The following TXNL1 variants were observed in gnomAD, a reference collection of about 807,000 sequenced individuals.
TXNL1 encodes the protein thioredoxin-like protein 1.
TXNL1 carries 14 observed loss-of-function variants against 35.5 expected under a neutral mutation model. The observed-to-expected ratio is 0.39, with a 90% CI of 0.26 to 0.62. The LOEUF is 0.62. TXNL1 is among the 20% of genes least tolerant of loss of function. The pLI, the probability that TXNL1 is intolerant of heterozygous loss-of-function variation, is 0.47. For synonymous variants in TXNL1, 110 were observed against 115.5 expected, an observed-to-expected ratio of 0.95 and a Z score of 0.31; for missense variants, 263 against 349.7, an observed-to-expected ratio of 0.75 and a Z score of 1.98.
intron 2 of TXNL1, among the ~76,000 whole-genome samples, chr18:56,624,690 C>A (rs2024246756): frequency 6.6e-6 from 1 of 152,146 alleles, no homozygotes; most frequent in Admixed American, 6.5e-5. Flanking sequence ...ATGTTTTTAT[C>A]ATTTTTACTG....
intron 2 of TXNL1, among the ~76,000 whole-genome samples, chr18:56,625,944 T>C (rs539788057): frequency 1.3e-5 from 2 of 152,334 alleles, no homozygotes; most frequent in South Asian, 4.1e-4. Flanking sequence ...CATTTTAAAG[T>C]TTCTGCTCAG....
In TXNL1 at chr18:56,599,905, G is replaced by A. The variant is rs2023790349; in HGVS notation, c.*3122C>T. 1 of 152,016 alleles carries A rather than the reference G, an allele frequency of 6.6e-6. No homozygotes were observed. Among genetic ancestry groups the A allele is most frequent in the African/African-American group, 2.4e-5 (1 of 41,388 alleles). 9.4% of individuals were successfully genotyped at this position (152,016 alleles called of 1,614,324 possible). A position where few individuals can be genotyped will look rare whatever the true frequency, so the allele number is the denominator to read the frequency against. Reference sequence around the variant, plus strand: ...TTATCTTAAAAAAAAAATAGTCTAAGATTACAAATTATCAGTTCCAGAAGA... The same window carrying A: ...TTATCTTAAAAAAAAAATAGTCTAAAATTACAAATTATCAGTTCCAGAAGA... On this transcript the variant is annotated 3_prime_UTR_variant, in exon 8 of 8. Transcript: ENST00000217515.
chr18:56,631,624 A>C (rs2024372184), intron 1 of TXNL1, among the ~76,000 whole-genome samples: 2 of 152,192 alleles, frequency 1.3e-5, no homozygotes, highest in South Asian at 2.1e-4. Context: ...ACAATGTATA[A>C]AGAAATAAAC....
chr18:56,625,084 A>AC (rs2024254287), intron 2 of TXNL1, among the ~76,000 whole-genome samples: 1 of 152,188 alleles, frequency 6.6e-6, no homozygotes, highest in South Asian at 2.1e-4. Context: ...TAAGCTTTTC[A>AC]TGACAAGTAT....
At chr18:56,612,473 T>C (rs1442921797) in intron 6 of TXNL1, among the ~76,000 whole-genome samples, 1 of 152,182 alleles carries the variant, frequency 6.6e-6, no homozygotes, top group African/African-American at 2.4e-5. Flanking sequence ...TTGTCATACA[T>C]TGGATTTTTG....
At position 56,638,582 on chromosome 18, in the gene TXNL1, G is replaced by C; in HGVS notation, c.-142C>G. ...GTGGCGACCGCCGAGTCTTCTCCCG[G>C]GACTCTCAGTGCCGAGTCACGCCAG... On this transcript the variant is annotated 5_prime_UTR_variant, in exon 1 of 8. Transcript: ENST00000217515. 1.2e-6 allele frequency: 1 copy of C among 802,932 alleles called. No homozygotes were observed. Among genetic ancestry groups the C allele is most frequent in the Non-Finnish European group, 1.9e-6 (1 of 537,002 alleles). The allele number at this position is 802,932 out of a possible 1,614,324, so 49.7% of individuals were successfully genotyped here. A position where few individuals can be genotyped will look rare whatever the true frequency, so the allele number is the denominator to read the frequency against.
intron 1 of TXNL1, among the ~76,000 whole-genome samples, chr18:56,633,341 G>A (rs2024404198): frequency 6.6e-6 from 1 of 151,672 alleles, no homozygotes; most frequent in African/African-American, 2.4e-5. Flanking sequence ...CAGCTACTCG[G>A]GAGGCTGAGG....
In TXNL1 at chr18:56,598,336, G is replaced by A. The variant is rs1023046876; in HGVS notation, c.*4691C>T. ...ATTACAAGTAGCTTGATAAGTATCCGGATGAAATAATGGCAAGGTGTCATA... is the reference window on the plus strand; with the variant it reads ...ATTACAAGTAGCTTGATAAGTATCCAGATGAAATAATGGCAAGGTGTCATA... On this transcript the variant is annotated 3_prime_UTR_variant, in exon 8 of 8. Transcript: ENST00000217515. 3.9e-5 allele frequency: 6 copies of A among 152,044 alleles called. No homozygotes were observed. The highest frequency in any genetic ancestry group is 3.9e-4 in the Admixed American group (6 of 15,258). The allele number at this position is 152,044 out of a possible 1,614,324, so 9.4% of individuals were successfully genotyped here.
intron 1 of TXNL1, 77 bp from the exon 2 acceptor site, chr18:56,626,534 A>AGAACAAACACTGATACTGCTGG (rs2024282444): frequency 7.8e-7 from 1 of 1,275,778 alleles, no homozygotes; most frequent in Non-Finnish European, 1.1e-6. Flanking sequence ...AACATAAAAT[A>AGAACAAACACTGATACTGCTGG]GAACAAACAC....
At chr18:56,617,872 A>G (rs866369617) in intron 4 of TXNL1, 132 bp downstream of exon 4, 7 of 1,228,344 alleles carry the variant, frequency 5.7e-6, no homozygotes, top group Middle Eastern at 2.0e-4. Context: ...CAAAGAAACT[A>G]AAAGCTATAG....
chr18:56,625,574 A>T (rs2024263743), intron 2 of TXNL1, among the ~76,000 whole-genome samples: 1 of 152,212 alleles, frequency 6.6e-6, no homozygotes. Context: ...TTCTAGAAAT[A>T]GTGATTAAAT....
chr18:56,637,697 T>C (rs1323736827), intron 1 of TXNL1, among the ~76,000 whole-genome samples: 1 of 152,230 alleles, frequency 6.6e-6, no homozygotes, highest in African/African-American at 2.4e-5. Flanking sequence ...ATTATATATG[T>C]ACTGTCGTGT....
At chr18:56,637,591 A>C (rs2024476885) in intron 1 of TXNL1, among the ~76,000 whole-genome samples, 1 of 152,154 alleles carries the variant, frequency 6.6e-6, no homozygotes, top group Admixed American at 6.5e-5. Context: ...ATATTTACCA[A>C]AGACAGTTAA....
chr18:56,616,913 C>G (rs181295198), intron 4 of TXNL1, among the ~76,000 whole-genome samples: 3 of 152,314 alleles, frequency 2.0e-5, no homozygotes, highest in Admixed American at 6.5e-5. Flanking sequence ...CTCTCCGAAA[C>G]TCTTCTGGAT....
At chr18:56,613,619 GCCTGGGCCACACAGGGAGAGACTTCA>G in intron 6 of TXNL1, among the ~76,000 whole-genome samples, 1 of 151,996 alleles carries the variant, frequency 6.6e-6, no homozygotes, top group Non-Finnish European at 1.5e-5. Flanking sequence ...TTTGAGACCA[GCCTGGGCCACACAGGGAGAGACTTCA>G]CCTCTACAAA....
At chr18:56,610,502 T>C (rs1421457186) in intron 7 of TXNL1, 1 of 152,404 alleles carries the variant, frequency 6.6e-6, no homozygotes, top group East Asian at 1.9e-4. Context: ...CATTATTTGA[T>C]GAAATGTGCT....
At position 56,602,702 on chromosome 18, in the gene TXNL1, T is replaced by C; in HGVS notation, c.*325A>G. On this transcript the variant is annotated 3_prime_UTR_variant, in exon 8 of 8. Coordinates refer to ENST00000217515, the MANE Select transcript of TXNL1 (RefSeq NM_004786.3). ...TAATTCCCTAGAACAGTTTCTCCTT[T>C]TCTAAAGAAACTGGCTTTCAATCAA... The C allele has an allele frequency of 2.6e-6, 1 of 385,068 alleles. No homozygotes were observed. Among genetic ancestry groups the C allele is most frequent in the Non-Finnish European group, 4.7e-6 (1 of 214,854 alleles). The allele number at this position is 385,068 out of a possible 1,614,324, so 23.9% of individuals were successfully genotyped here. A position where few individuals can be genotyped will look rare whatever the true frequency, so the allele number is the denominator to read the frequency against.
At chr18:56,632,584 C>A (rs111837122) in intron 1 of TXNL1, among the ~76,000 whole-genome samples, 3,448 of 152,284 alleles carry the variant, frequency 0.023, 71 homozygotes, top group East Asian at 0.078. Context: ...ATTGTTATTT[C>A]CAAATCAATT....
intron 3 of TXNL1, among the ~76,000 whole-genome samples, chr18:56,619,979 T>C (rs1036591685): frequency 6.6e-6 from 1 of 152,158 alleles, no homozygotes; most frequent in African/African-American, 2.4e-5. Context: ...ATTATTATTA[T>C]TATTTTTTTG....
Sources: gnomAD v4.1 joint callset for allele counts (sites outside exome capture counted in the v4.1 genomes callset) on GRCh38, gnomAD v4.1.1 for gene constraint, MANE v1.5 for transcripts, NCBI Gene and HGNC (gene_info 2026-07-23, HGNC 2026-07-21) for gene names.